Variants in DHX32 observed in about 807,000 individuals in gnomAD.
DHX32 encodes the protein putative pre-mRNA-splicing factor ATP-dependent RNA helicase DHX32.
In DHX32, 51 loss-of-function variants were observed where a neutral mutation model predicts 70.0. The observed-to-expected ratio is 0.73, with a 90% CI of 0.58 to 0.92. The LOEUF (loss-of-function observed/expected upper bound fraction) is 0.92. Ranked by LOEUF, DHX32 falls within the 40% of genes least tolerant of loss-of-function variation. DHX32 has a pLI of 0.00. For synonymous variants in DHX32, 310 were observed against 315.3 expected (o/e 0.98, Z 0.18); for missense variants, 762 against 891.8 (o/e 0.85, Z 1.85).
rs761424324 is a variant in DHX32, at chr10:125,839,167, C to T, written c.1715G>A (p.Arg572His). The change falls in exon 9 of 11, where the codon CGT becomes CAT. Residue 572 changes from arginine (R) to histidine (H), a missense_variant. Arg to His is a conservative substitution (Grantham distance 29, BLOSUM62 0). Coordinates refer to ENST00000284690, the MANE Select transcript of DHX32 (RefSeq NM_018180.3). ...SSEYCVEKWC[R>H]DYFLNCSALR... is the part of the protein sequence containing the mutation. ...TGCTGAACAGTTGAGGAAGTAATCA[C>T]GACACCACTTTTCCACACAGTCTAG... The T allele has an allele frequency of 4.3e-6, 7 of 1,614,038 alleles. No individual in the cohort carries two copies. Among genetic ancestry groups the T allele is most frequent in the Middle Eastern group, 1.6e-4 (1 of 6,084 alleles).
chr10:125,851,942 GAAAA>G (rs1944095813), intron 6 of DHX32, among the ~76,000 whole-genome samples: 1 of 121,542 alleles, frequency 8.2e-6, no homozygotes, highest in Non-Finnish European at 1.8e-5. Context: ...AAAAAAAAAA[GAAAA>G]GAAAAAAGGA....
At chr10:125,857,402 G>C (rs1256526972) in intron 3 of DHX32, among the ~76,000 whole-genome samples, 1 of 152,210 alleles carries the variant, frequency 6.6e-6, no homozygotes. Flanking sequence ...GGGCAGGTCG[G>C]CTGTTGAGCC....
At chr10:125,867,466 G>C (rs934068844) in intron 1 of DHX32, among the ~76,000 whole-genome samples, 1 of 152,244 alleles carries the variant, frequency 6.6e-6, no homozygotes, top group African/African-American at 2.4e-5. Context: ...GCCGGGTGTG[G>C]TGGCTCACGC....
intron 2 of DHX32, among the ~76,000 whole-genome samples, chr10:125,864,212 G>A (rs777139091): frequency 2.0e-5 from 3 of 152,282 alleles, no homozygotes; most frequent in South Asian, 4.1e-4. Context: ...CTGACTCTGC[G>A]CTGGTTCTGG....
In DHX32 at chr10:125,867,668, G is replaced by A. The variant is rs144517074; in HGVS notation, c.283-485C>T. The stretch of plus-strand genomic sequence containing the variant: ...GGAGAATGGCGTGAACCCGGGAGGC[G>A]GAGCTTGCAGTGAGCAGAGATTGTG... On this transcript the variant is annotated intron_variant, in intron 1 of 10. Coordinates refer to ENST00000284690, the MANE Select transcript of DHX32 (RefSeq NM_018180.3). Among the ~76,000 whole-genome samples, 319 of 151,252 alleles carry A rather than the reference G, an allele frequency of 2.1e-3. 1 individual carries two copies. Among genetic ancestry groups the A allele is most frequent in the African/African-American group, 7.4e-3 (305 of 41,148 alleles).
upstream of DHX32, chr10:125,881,400 A>T (rs1340751865): frequency 6.6e-6 from 1 of 152,438 alleles, no homozygotes; most frequent in Non-Finnish European, 1.5e-5. Context: ...AGGCTAATCA[A>T]TCACGTGGTC....
At chr10:125,861,299 C>T (rs1432064755) in intron 2 of DHX32, among the ~76,000 whole-genome samples, 1 of 151,642 alleles carries the variant, frequency 6.6e-6, no homozygotes, top group African/African-American at 2.4e-5. Context: ...ATATCGAGAC[C>T]ATCCTGGCTA....
upstream of DHX32, among the ~76,000 whole-genome samples, chr10:125,883,213 T>C (rs894517422): frequency 6.6e-6 from 1 of 152,162 alleles, no homozygotes; most frequent in Non-Finnish European, 1.5e-5. Context: ...TCACACATTG[T>C]GCAATGTATC....
intron 1 of DHX32, among the ~76,000 whole-genome samples, chr10:125,880,332 C>A (rs1944309437): frequency 6.6e-6 from 1 of 152,132 alleles, no homozygotes; most frequent in Non-Finnish European, 1.5e-5. Flanking sequence ...GTACCCTAAA[C>A]ACAATTAATT....
chr10:125,892,068 T>C (rs1415687285), intron 1 of DHX32, among the ~76,000 whole-genome samples: 2 of 152,200 alleles, frequency 1.3e-5, no homozygotes, highest in Non-Finnish European at 1.5e-5. Context: ...GACAGGCATC[T>C]CAAACTGAAC....
At chr10:125,888,992 G>A (rs796944524) in intron 1 of DHX32, among the ~76,000 whole-genome samples, 7 of 152,294 alleles carry the variant, frequency 4.6e-5, no homozygotes, top group Non-Finnish European at 8.8e-5. Flanking sequence ...TCTGGGAGGC[G>A]GAGGTTGCAG....
intron 3 of DHX32, chr10:125,854,888 G>C (rs987940763): frequency 3.3e-5 from 5 of 152,190 alleles, no homozygotes; most frequent in African/African-American, 1.2e-4. Context: ...TTATAATTCT[G>C]ATTACTTCAT....
intron 6 of DHX32, among the ~76,000 whole-genome samples, chr10:125,850,332 T>C (rs1944074139): frequency 1.3e-5 from 2 of 150,798 alleles, no homozygotes; most frequent in Non-Finnish European, 3.0e-5. Context: ...CTCTGCAGCC[T>C]TTGACTTTCT....
intron 4 of DHX32, 150 bp downstream of exon 4, chr10:125,853,811 A>G (rs748619741): frequency 7.0e-5 from 61 of 867,468 alleles, no homozygotes; most frequent in African/African-American, 8.6e-5. Flanking sequence ...ACTGGCTGCA[A>G]TAATTCTTCT....
intron 2 of DHX32, among the ~76,000 whole-genome samples, chr10:125,860,345 C>T (rs1039936126): frequency 3.3e-5 from 5 of 152,144 alleles, no homozygotes; most frequent in African/African-American, 9.7e-5. Context: ...AATTTTTCCT[C>T]TCGAATTCAT....
rs974635581 is a variant in DHX32 at position 125,836,673 on chromosome 10, T to C, written c.*14A>G. The C allele has an allele frequency of 3.5e-5, 57 of 1,612,506 alleles. No individual in the cohort carries two copies. The Middle Eastern group carries it at 8.3e-4, about 23-fold the overall frequency. ...ACCTTTGGGACCCTGCTGCACCTTG[T>C]GTTTGCTGGGGAGTCACTGGAGAGT... On this transcript the variant is annotated 3_prime_UTR_variant, in exon 11 of 11. Coordinates refer to ENST00000284690, the MANE Select transcript of DHX32 (RefSeq NM_018180.3).
chr10:125,838,971 C>CTA, intron 9 of DHX32, 30 bp downstream of exon 9: 1 of 1,600,356 alleles, frequency 6.2e-7, no homozygotes, highest in Non-Finnish European at 8.5e-7. Context: ...TCAGCAGAGC[C>CTA]TATGCTGAGG....
chr10:125,867,003 C>T lies in DHX32; in HGVS notation c.463G>A (p.Glu155Lys), dbSNP rs763236380. 1.2e-5 allele frequency: 19 copies of T among 1,613,180 alleles called. No homozygotes were observed. Among genetic ancestry groups the T allele is most frequent in the Non-Finnish European group, 1.5e-5 (18 of 1,179,496 alleles). ...CCACAAACCAACCTCAGGATTGTTT[C>T]GTTGGTACAGCAGTTCTCGAAAGGG... is the stretch of plus-strand genomic sequence containing the variant. ...VIPFENCCTN[E>K]TILRYCTDDM... Residue 155 changes from glutamate to lysine, a missense_variant, in exon 2 of 11, where the codon GAA (glutamate) becomes AAA (lysine). Around this residue, in one of 3 missense-constraint regions of DHX32, gnomAD observed 394 missense variants for 473.1 expected, o/e 0.83. Transcript: ENST00000284690.
At chr10:125,849,612 C>G (rs530125322) in intron 6 of DHX32, among the ~76,000 whole-genome samples, 1 of 152,146 alleles carries the variant, frequency 6.6e-6, no homozygotes. Flanking sequence ...ACTCTCTGGG[C>G]TGTTTGGGCA....
Sources: allele counts gnomAD v4.1 joint callset (sites outside exome capture counted in the v4.1 genomes callset), GRCh38; gene constraint gnomAD v4.1.1; regional missense constraint gnomAD v4.1.1; transcripts MANE v1.5; gene names NCBI Gene and HGNC (gene_info 2026-07-23, HGNC 2026-07-21).